Variants in STRBP observed in about 807,000 individuals in gnomAD.
STRBP encodes spermatid perinuclear RNA-binding protein.
A neutral mutation model predicts 80.1 loss-of-function variants in STRBP; 13 were observed. The observed-to-expected ratio is 0.16, with a 90% CI of 0.11 to 0.26. The LOEUF (loss-of-function observed/expected upper bound fraction) is 0.26. Among genes scored for constraint, STRBP ranks in the 10% least tolerant of loss-of-function variants. The probability of loss-of-function intolerance (pLI) is 1.00; values close to 1 mark genes in which losing one functional copy is unlikely to be tolerated. For missense variants in STRBP, 485 were observed against 815.2 expected, an observed-to-expected ratio of 0.59 and a Z score of 4.93; for synonymous variants, 284 against 291.2, an observed-to-expected ratio of 0.98 and a Z score of 0.25.
intron 9 of STRBP, 33 bp downstream of exon 9, chr9:123,159,063 G>T: frequency 6.6e-7 from 1 of 1,524,276 alleles, no homozygotes; most frequent in African/African-American, 1.4e-5. Flanking sequence ...GAGATTTGCT[G>T]ATTGTTCTGC....
intron 2 of STRBP, among the ~76,000 whole-genome samples, chr9:123,204,923 C>CA (rs34576355): frequency 0.035 from 1,907 of 53,988 alleles, 30 homozygotes; most frequent in Middle Eastern, 0.064. Context: ...GACTCCATCT[C>CA]AAAAAAAAAA....
chr9:123,114,189 G>A (rs968629854), intron 3 of STRBP: 1 of 167,094 alleles, frequency 6.0e-6, no homozygotes, highest in African/African-American at 2.4e-5. Flanking sequence ...AGAGCTGTAG[G>A]AAACAGGTGC....
At chr9:123,261,146 T>C (rs1285698067) in intron 1 of STRBP, among the ~76,000 whole-genome samples, 1 of 152,212 alleles carries the variant, frequency 6.6e-6, no homozygotes, top group Non-Finnish European at 1.5e-5. Context: ...CCAGGCACTG[T>C]GTGCATACCC....
At chr9:123,170,182 A>G in intron 5 of STRBP, 136 bp from the exon 6 acceptor site, 3 of 750,150 alleles carry the variant, frequency 4.0e-6, no homozygotes, top group Non-Finnish European at 5.9e-6. Context: ...AAAGCCTGTA[A>G]CTAGTTCTTT....
chr9:123,158,527 T>C lies in STRBP; in HGVS notation c.836-98A>G, dbSNP rs867313128. 104 of 1,059,316 alleles carry C rather than the reference T, an allele frequency of 9.8e-5. 1 individual carries two copies. The South Asian group carries it at 1.5e-3, about 15-fold the overall frequency. The allele number at this position is 1,059,316 out of a possible 1,614,324, so 65.6% of individuals were successfully genotyped here. A position where few individuals can be genotyped will look rare whatever the true frequency, so the allele number is the denominator to read the frequency against. The stretch of plus-strand genomic sequence containing the variant: ...ATGGCTGGGGAGAATGAAGAGAAAA[T>C]GAAAAAAAAAACTGAGGAACTAAGT... On this transcript the variant is annotated intron_variant, in intron 9 of 18. Coordinates refer to ENST00000348403, the MANE Select transcript of STRBP (RefSeq NM_018387.5).
chr9:123,213,556 G>A (rs117956947), intron 2 of STRBP: 1 of 152,256 alleles, frequency 6.6e-6, no homozygotes, highest in South Asian at 2.1e-4. Context: ...CTGGACAGAG[G>A]AAACAATAGT....
Position 123,180,910 on chromosome 9 carries a change from G to T in STRBP, c.4-1683C>A, listed in dbSNP as rs1588054996. 5 of 984,198 alleles carry T rather than the reference G, an allele frequency of 5.1e-6. No homozygotes were observed. The South Asian group carries it at 1.9e-4, about 37-fold the overall frequency. 61.0% of individuals were successfully genotyped at this position (984,198 alleles called of 1,614,324 possible). On this transcript the variant is annotated intron_variant, in intron 3 of 18. Transcript: ENST00000348403. The stretch of plus-strand genomic sequence containing the variant: ...TACATGGTAAATATTTTGTTTTGAA[G>T]TCCATCGCAAACTAAAACATTCTCA...
chr9:123,231,306 G>A (rs1454455022), intron 2 of STRBP, among the ~76,000 whole-genome samples: 1 of 152,096 alleles, frequency 6.6e-6, no homozygotes, highest in African/African-American at 2.4e-5. Context: ...ATCTCCATCT[G>A]GAGGGTTGAC....
At chr9:123,130,965 C>G (rs1245499283) in intron 17 of STRBP, among the ~76,000 whole-genome samples, 1 of 152,054 alleles carries the variant, frequency 6.6e-6, no homozygotes, top group Non-Finnish European at 1.5e-5. Flanking sequence ...TCTTCAGTAG[C>G]CCTTTTTTAA....
In STRBP at chr9:123,124,954, AT is replaced by A; in HGVS notation, c.*642del. 3 of 985,830 alleles carry A rather than the reference AT, an allele frequency of 3.0e-6. No homozygotes were observed. Among genetic ancestry groups the A allele is most frequent in the Non-Finnish European group, 3.6e-6 (3 of 829,934 alleles). The allele number at this position is 985,830 out of a possible 1,614,324, so 61.1% of individuals were successfully genotyped here. On this transcript the variant is annotated 3_prime_UTR_variant, in exon 19 of 19. Coordinates refer to ENST00000348403, the MANE Select transcript of STRBP (RefSeq NM_018387.5). ...GTTTTAGCACTTTGCTTACAAGTGA[AT>A]GGGCTTCTAGGGCTAAGTTATTAGT...
chr9:123,160,432 T>C lies in STRBP; in HGVS notation c.658A>G (p.Ile220Val). The C allele has an allele frequency of 2.5e-6, 4 of 1,603,664 alleles. No individual in the cohort carries two copies. Among genetic ancestry groups the C allele is most frequent in the Non-Finnish European group, 3.4e-6 (4 of 1,172,724 alleles). ...AAATCACGCAGAATGCGGAGGACAA[T>C]TACACATGATTTTAATCCATTTGCC... ...ARANGLKSCV[I>V]VLRILRDLCN... Residue 220 changes from isoleucine to valine, a missense_variant, in exon 8 of 19, where the codon ATT (isoleucine) becomes GTT (valine). Transcript: ENST00000348403.
In STRBP at chr9:123,252,115, G is replaced by A. The variant is rs188691144; in HGVS notation, c.-301-15149C>T. ...GAAAAAGGAAAAGTTGCAGGAAATG[G>A]TGAAAACTGACACATGGCACTTCAA... On this transcript the variant is annotated intron_variant, in intron 1 of 18. Transcript: ENST00000348403. Among the ~76,000 whole-genome samples, 267 of 152,116 alleles carry A rather than the reference G, an allele frequency of 1.8e-3. 6 individuals are homozygous for A. Among genetic ancestry groups the A allele is most frequent in the Non-Finnish European group, 3.8e-4 (26 of 68,002 alleles).
chr9:123,164,082 T>C (rs2037645934), intron 6 of STRBP, among the ~76,000 whole-genome samples: 1 of 152,236 alleles, frequency 6.6e-6, no homozygotes, highest in African/African-American at 2.4e-5. Flanking sequence ...AATCTCACTC[T>C]GTAGCCCAGC....
At chr9:123,235,975 T>C (rs977450646) in intron 2 of STRBP, among the ~76,000 whole-genome samples, 1 of 152,216 alleles carries the variant, frequency 6.6e-6, no homozygotes, top group Admixed American at 6.5e-5. Context: ...ATATGTGTCA[T>C]AGTCCACAGC....
At chr9:123,156,648 T>C (rs1202908122) in intron 11 of STRBP, among the ~76,000 whole-genome samples, 2 of 141,432 alleles carry the variant, frequency 1.4e-5, no homozygotes, top group Non-Finnish European at 3.1e-5. Context: ...TGGAAAACTA[T>C]ACACTTAGGA....
intron 17 of STRBP, among the ~76,000 whole-genome samples, chr9:123,129,439 G>A (rs2036039965): frequency 6.6e-6 from 1 of 152,090 alleles, no homozygotes; most frequent in South Asian, 2.1e-4. Flanking sequence ...AAATCACCAT[G>A]GCACTTTTAC....
chr9:123,114,042 G>C (rs1225365239), intron 3 of STRBP: 1 of 167,102 alleles, frequency 6.0e-6, no homozygotes, highest in East Asian at 1.9e-4. Flanking sequence ...CACCTCTTTA[G>C]AGGTGAGATT....
chr9:123,166,269 C>T (rs1432599187), intron 6 of STRBP, among the ~76,000 whole-genome samples: 1 of 152,238 alleles, frequency 6.6e-6, no homozygotes, highest in African/African-American at 2.4e-5. Flanking sequence ...ATTATTTTCA[C>T]TGTTACGGCA....
chr9:123,198,749 T>C (rs952009218), intron 2 of STRBP, among the ~76,000 whole-genome samples: 9 of 152,226 alleles, frequency 5.9e-5, no homozygotes, highest in African/African-American at 2.2e-4. Context: ...TAAGTCCTTG[T>C]TCCATCTTGA....
Sources: gnomAD v4.1 joint callset for allele counts (sites outside exome capture counted in the v4.1 genomes callset) on GRCh38, gnomAD v4.1.1 for gene constraint, MANE v1.5 for transcripts, NCBI Gene and HGNC (gene_info 2026-07-23, HGNC 2026-07-21) for gene names.